Variants in TLE4 observed in about 807,000 individuals in gnomAD.
The protein encoded by TLE4 is TLE family member 4, transcriptional corepressor, also known as transducin-like enhancer protein 4.
In TLE4, 8 loss-of-function variants were observed where a neutral mutation model predicts 92.8. That is an observed-to-expected ratio of 0.09 (90% CI 0.05 to 0.16). The LOEUF (loss-of-function observed/expected upper bound fraction) is 0.16, where lower values mean the gene tolerates loss of function less well. TLE4 is among the 10% of genes least tolerant of loss of function. TLE4 has a pLI of 1.00. For synonymous variants in TLE4, 371 were observed against 374.1 expected (o/e 0.99, Z 0.10); for missense variants, 675 against 997.6 (o/e 0.68, Z 4.36).
chr9:79,656,835 ACTTTAC>A (rs924530741), intron 8 of TLE4, among the ~76,000 whole-genome samples: 47 of 152,338 alleles, frequency 3.1e-4, no homozygotes, highest in African/African-American at 1.0e-3. Context: ...TAATTTAGGT[ACTTTAC>A]CTTTAGATGC....
intron 8 of TLE4, among the ~76,000 whole-genome samples, chr9:79,686,395 T>C (rs1355194664): frequency 6.6e-6 from 1 of 152,206 alleles, no homozygotes; most frequent in Non-Finnish European, 1.5e-5. Flanking sequence ...TTGAATTGTG[T>C]CTCAAAAAGA....
At chr9:79,666,220 T>TTG (rs1265326202) in intron 8 of TLE4, among the ~76,000 whole-genome samples, 2,293 of 43,712 alleles carry the variant, frequency 0.052, 148 homozygotes, top group African/African-American at 0.11. Context: ...TTTTTTTGTT[T>TTG]TTTTTTTTTT....
chr9:79,703,066 A>G (rs1235098966), intron 8 of TLE4, among the ~76,000 whole-genome samples: 1 of 152,192 alleles, frequency 6.6e-6, no homozygotes, highest in Admixed American at 6.5e-5. Flanking sequence ...AGCAAAAAAA[A>G]AAACCCGTTC....
chr9:79,581,505 G>A (rs2039655017), intron 4 of TLE4, among the ~76,000 whole-genome samples: 1 of 152,224 alleles, frequency 6.6e-6, no homozygotes, highest in Admixed American at 6.5e-5. Context: ...ATTCTTGAGT[G>A]AAATTGGAAT....
chr9:79,625,105 C>T (rs1187587913), intron 5 of TLE4, among the ~76,000 whole-genome samples: 6 of 144,372 alleles, frequency 4.2e-5, no homozygotes, highest in African/African-American at 1.3e-4. Context: ...CTGCAAGCTC[C>T]GCCTCCCGGG....
At chr9:79,587,039 A>G (rs1036013308) in intron 4 of TLE4, among the ~76,000 whole-genome samples, 4 of 152,232 alleles carry the variant, frequency 2.6e-5, no homozygotes, top group Non-Finnish European at 4.4e-5. Flanking sequence ...CTGTTATGCT[A>G]TCAAACACTA....
chr9:79,603,261 T>C (rs1285872135), intron 4 of TLE4, among the ~76,000 whole-genome samples: 1 of 152,174 alleles, frequency 6.6e-6, no homozygotes, highest in East Asian at 1.9e-4. Flanking sequence ...GTGAGTAAAA[T>C]GCTGTCAAAC....
intron 19 of TLE4, 51 bp from the exon 20 acceptor site, chr9:79,724,986 T>C: frequency 7.2e-7 from 1 of 1,393,816 alleles, no homozygotes; most frequent in Non-Finnish European, 1.0e-6. Context: ...TCCATACTCA[T>C]GGGATTTTCT....
chr9:79,615,896 T>G (rs1043228169), intron 5 of TLE4, among the ~76,000 whole-genome samples: 7 of 152,340 alleles, frequency 4.6e-5, no homozygotes, highest in Non-Finnish European at 1.0e-4. Context: ...TTGACAAAGA[T>G]ATTGCCAACT....
At chr9:79,587,944 C>T (rs904458160) in intron 4 of TLE4, among the ~76,000 whole-genome samples, 3 of 152,072 alleles carry the variant, frequency 2.0e-5, no homozygotes, top group Non-Finnish European at 4.4e-5. Flanking sequence ...ATCTGATTAT[C>T]CTTATTGTGT....
At chr9:79,573,137 C>G (rs904093344) in intron 1 of TLE4, 11 of 693,174 alleles carry the variant, frequency 1.6e-5, no homozygotes, top group Non-Finnish European at 1.9e-5. Context: ...GGGTGGCGAG[C>G]GATGAAGGAG....
chr9:79,631,912 G>T (rs1222003401), intron 6 of TLE4, among the ~76,000 whole-genome samples: 1 of 152,104 alleles, frequency 6.6e-6, no homozygotes, highest in East Asian at 1.9e-4. Context: ...CATTGCAAGT[G>T]TAGGAAATAT....
intron 4 of TLE4, among the ~76,000 whole-genome samples, chr9:79,584,760 A>G (rs557426414): frequency 6.6e-6 from 1 of 152,334 alleles, no homozygotes; most frequent in Admixed American, 6.5e-5. Flanking sequence ...TAGTTTGTGG[A>G]AAAGTGACAC....
chr9:79,685,246 T>A (rs1021664948), intron 8 of TLE4, among the ~76,000 whole-genome samples: 1 of 152,208 alleles, frequency 6.6e-6, no homozygotes, highest in Non-Finnish European at 1.5e-5. Flanking sequence ...TCCTGCTGGG[T>A]AATTTGTATA....
intron 8 of TLE4, among the ~76,000 whole-genome samples, chr9:79,677,834 T>C (rs897487860): frequency 7.2e-5 from 11 of 152,098 alleles, no homozygotes; most frequent in African/African-American, 2.2e-4. Context: ...CTTTTACTTA[T>C]AGAATCAGAA....
intron 6 of TLE4, among the ~76,000 whole-genome samples, chr9:79,640,371 C>T (rs1401139855): frequency 6.6e-6 from 1 of 152,014 alleles, no homozygotes; most frequent in Admixed American, 6.6e-5. Context: ...TGGATAGGCC[C>T]ACCATGATAT....
At chr9:79,680,685 G>A (rs1215240915) in intron 8 of TLE4, among the ~76,000 whole-genome samples, 2 of 152,170 alleles carry the variant, frequency 1.3e-5, no homozygotes, top group African/African-American at 2.4e-5. Context: ...TGGTGAGAGA[G>A]GGCATCCCTG....
chr9:79,629,126 A>G (rs1181189470), intron 6 of TLE4, among the ~76,000 whole-genome samples: 3 of 152,190 alleles, frequency 2.0e-5, no homozygotes, highest in African/African-American at 7.2e-5. Context: ...TACTGTTTGT[A>G]TGAATGGCTG....
At chr9:79,699,320 CT>C (rs1415898485) in intron 8 of TLE4, among the ~76,000 whole-genome samples, 8 of 152,216 alleles carry the variant, frequency 5.3e-5, no homozygotes, top group African/African-American at 1.7e-4. Context: ...GCCTCCACCC[CT>C]GTCCCCATCA....
Sources: gnomAD v4.1 joint callset for allele counts (sites outside exome capture counted in the v4.1 genomes callset) on GRCh38, gnomAD v4.1.1 for gene constraint, MANE v1.5 for transcripts, NCBI Gene and HGNC (gene_info 2026-07-23, HGNC 2026-07-21) for gene names.